ESR1: variants seen among roughly 807,000 people sequenced by gnomAD.
The protein encoded by ESR1 is estrogen receptor.
In ESR1, 12 loss-of-function variants were observed where a neutral mutation model predicts 52.7. The ratio of observed to expected loss-of-function variants is 0.23; its 90% confidence interval spans 0.15 to 0.37. The LOEUF (loss-of-function observed/expected upper bound fraction) is 0.37. ESR1 is among the 10% of genes least tolerant of loss of function. The pLI is 1.00. For missense variants in ESR1, 584 were observed against 779.7 expected (o/e 0.75, Z 2.99); for synonymous variants, 305 against 316.8 (o/e 0.96, Z 0.39).
intron 6 of ESR1, among the ~76,000 whole-genome samples, chr6:152,090,797 C>T (rs1402646609): frequency 6.6e-6 from 1 of 152,166 alleles, no homozygotes; most frequent in Non-Finnish European, 1.5e-5. Flanking sequence ...GTTGAGATGT[C>T]TTGTACATGG....
intron 3 of ESR1, among the ~76,000 whole-genome samples, chr6:151,933,370 T>G (rs1240710403): frequency 3.3e-5 from 5 of 150,968 alleles, no homozygotes; most frequent in Non-Finnish European, 5.9e-5. Flanking sequence ...ACAATGGGGT[T>G]TTCTAGATAT....
At chr6:151,717,068 C>T (rs1026239875) in intron 2 of ESR1, among the ~76,000 whole-genome samples, 8 of 152,122 alleles carry the variant, frequency 5.3e-5, no homozygotes, top group Admixed American at 1.3e-4. Context: ...GTGCACCGTT[C>T]CTTAGGGCAC....
intron 2 of ESR1, among the ~76,000 whole-genome samples, chr6:151,719,902 A>G (rs1781336835): frequency 6.6e-6 from 1 of 152,180 alleles, no homozygotes. Context: ...ATATTTATGT[A>G]TTTCCCTTTA....
chr6:151,899,980 T>A (rs1208205023), intron 3 of ESR1, among the ~76,000 whole-genome samples: 26 of 151,728 alleles, frequency 1.7e-4, no homozygotes, highest in African/African-American at 6.3e-4. Flanking sequence ...CGCTCCTCAC[T>A]TCCCAGACGG....
intron 3 of ESR1, among the ~76,000 whole-genome samples, chr6:151,887,869 G>C (rs1794107841): frequency 1.3e-5 from 2 of 152,046 alleles, no homozygotes; most frequent in Admixed American, 1.3e-4. Flanking sequence ...TTTGTATACG[G>C]CATGAGATAA....
At chr6:152,040,893 A>T (rs1285217988) in intron 5 of ESR1, among the ~76,000 whole-genome samples, 2 of 152,152 alleles carry the variant, frequency 1.3e-5, no homozygotes, top group African/African-American at 4.8e-5. Context: ...CCTCATGTAA[A>T]GTACTTGTTC....
intron 1 of ESR1, among the ~76,000 whole-genome samples, chr6:151,833,991 C>T (rs28457010): frequency 0.014 from 2,077 of 152,250 alleles, 147 homozygotes; most frequent in Admixed American, 0.13. Context: ...ATCAAAACCA[C>T]AATGATATAC....
chr6:152,052,454 T>C (rs939735913), intron 5 of ESR1, among the ~76,000 whole-genome samples: 3 of 152,232 alleles, frequency 2.0e-5, no homozygotes, highest in Non-Finnish European at 4.4e-5. Context: ...AATAAAGTTT[T>C]ATTTATTTAC....
intron 6 of ESR1, chr6:152,122,509 C>T (rs1279617814): frequency 6.2e-7 from 1 of 1,614,052 alleles, no homozygotes; most frequent in Admixed American, 1.7e-5. Context: ...GGAGAGGGCA[C>T]AGCTGTAGTC....
intron 3 of ESR1, among the ~76,000 whole-genome samples, chr6:151,909,203 A>G (rs1271464028): frequency 6.6e-6 from 1 of 152,216 alleles, no homozygotes; most frequent in African/African-American, 2.4e-5. Context: ...CTATCCCATT[A>G]CAGGGCAGTC....
At chr6:151,686,818 C>T (rs1473527099), upstream of ESR1, among the ~76,000 whole-genome samples, 2 of 152,122 alleles carry the variant, frequency 1.3e-5, no homozygotes, top group Non-Finnish European at 2.9e-5. Context: ...CCAGAGGTGC[C>T]CTTGGATACC....
intron 3 of ESR1, 65 bp from the exon 4 acceptor site, chr6:151,944,107 AT>A: frequency 6.9e-7 from 1 of 1,444,876 alleles, no homozygotes; most frequent in Non-Finnish European, 9.7e-7. Context: ...AGCTTTGAAA[AT>A]TTTTTGTATA....
upstream of ESR1, among the ~76,000 whole-genome samples, chr6:151,806,192 G>T (rs1230583705): frequency 6.6e-6 from 1 of 152,146 alleles, no homozygotes; most frequent in African/African-American, 2.4e-5. Context: ...TTTATTTGCT[G>T]ACAATCTATA....
intron 2 of ESR1, among the ~76,000 whole-genome samples, chr6:151,763,400 G>T (rs931682592): frequency 2.0e-5 from 3 of 152,194 alleles, no homozygotes; most frequent in Non-Finnish European, 4.4e-5. Context: ...CATATTGAGC[G>T]ATTCCAACCC....
At chr6:151,850,459 GAGAA>G (rs1786456702) in intron 2 of ESR1, among the ~76,000 whole-genome samples, 1 of 150,174 alleles carries the variant, frequency 6.7e-6, no homozygotes, top group African/African-American at 2.4e-5. Flanking sequence ...GAGAGAGAAG[GAGAA>G]AGAAAGAGAG....
At chr6:152,013,007 CAGT>C (rs959443838) in intron 5 of ESR1, among the ~76,000 whole-genome samples, 5 of 152,182 alleles carry the variant, frequency 3.3e-5, no homozygotes, top group African/African-American at 9.6e-5. Context: ...TTTTGAAAAA[CAGT>C]GGTGATACAG....
chr6:151,899,240 G>A (rs1796124214), intron 3 of ESR1, among the ~76,000 whole-genome samples: 1 of 140,726 alleles, frequency 7.1e-6, no homozygotes, highest in Non-Finnish European at 1.6e-5. Context: ...TGGGCAGCTG[G>A]CCAGGCGGGG....
At chr6:151,965,017 A>G (rs1401292759) in intron 4 of ESR1, among the ~76,000 whole-genome samples, 1 of 152,190 alleles carries the variant, frequency 6.6e-6, no homozygotes, top group East Asian at 1.9e-4. Flanking sequence ...ATGTATTAAG[A>G]GGCAAAAGCT....
intron 1 of ESR1, among the ~76,000 whole-genome samples, chr6:151,680,926 G>C (rs962313906): frequency 5.9e-5 from 9 of 152,164 alleles, no homozygotes; most frequent in Admixed American, 3.9e-4. Flanking sequence ...CCACTGGGAT[G>C]AAGTCCTGGC....
Sources: gnomAD v4.1 joint callset for allele counts (sites outside exome capture counted in the v4.1 genomes callset) on GRCh38, gnomAD v4.1.1 for gene constraint, MANE v1.5 for transcripts, NCBI Gene and HGNC (gene_info 2026-07-23, HGNC 2026-07-21) for gene names.